PKD1L3: variants seen among roughly 807,000 people sequenced by gnomAD.
PKD1L3 encodes polycystin-1-like protein 3.
PKD1L3 carries 239 observed loss-of-function variants against 184.1 expected under a neutral mutation model. That is an observed-to-expected ratio of 1.30 (90% confidence interval 1.17 to 1.45). PKD1L3 has a LOEUF of 1.45. Among genes scored for constraint, PKD1L3 ranks in the 40% most tolerant of loss-of-function variants. PKD1L3 has a pLI of 0.00. For synonymous variants in PKD1L3, 996 were observed against 778.8 expected, an observed-to-expected ratio of 1.28 and a Z score of -4.64; for missense variants, 2,660 against 2,067.2, an observed-to-expected ratio of 1.29 and a Z score of -5.56.
At chr16:71,989,526 T>C (rs1056599580) in intron 4 of PKD1L3, among the ~76,000 whole-genome samples, 10 of 152,232 alleles carry the variant, frequency 6.6e-5, no homozygotes, top group Non-Finnish European at 1.5e-4. Context: ...TATCTGTGTT[T>C]AGGCATCAAC....
At position 71,967,221 on chromosome 16, in the gene PKD1L3, ACAT is replaced by A. The variant is rs775755910; in HGVS notation, c.2378_2380del (p.Asp793del). 6.4e-7 allele frequency: 1 copy of A among 1,551,594 alleles called. No individual in the cohort carries two copies. Among genetic ancestry groups the A allele is most frequent in the African/African-American group, 1.4e-5 (1 of 73,068 alleles). On this transcript the variant is annotated inframe_deletion, in exon 15 of 30. Transcript: ENST00000620267. ...AGAGGTCCAAGTGGTGAGAAGGAAG[ACAT>A]CCAGGCCCCCTCGTTCAAAGACTGT...
At chr16:71,971,998 C>T (rs181428602) in intron 12 of PKD1L3, among the ~76,000 whole-genome samples, 37 of 152,118 alleles carry the variant, frequency 2.4e-4, no homozygotes, top group African/African-American at 8.7e-4. Context: ...AGGCGGATCA[C>T]GAGGACAGGA....
chr16:71,964,415 T>C (rs1232769316), intron 15 of PKD1L3, among the ~76,000 whole-genome samples: 1 of 131,536 alleles, frequency 7.6e-6, no homozygotes, highest in Non-Finnish European at 1.6e-5. Context: ...CTTGGCTCAC[T>C]GCAACCTCCA....
intron 7 of PKD1L3, among the ~76,000 whole-genome samples, chr16:71,980,470 C>T (rs752593612): frequency 6.6e-6 from 1 of 152,110 alleles, no homozygotes; most frequent in Admixed American, 6.6e-5. Context: ...TATAATTTAA[C>T]GTTTTTTAGT....
chr16:71,984,629 C>A (rs2040287744), intron 5 of PKD1L3, among the ~76,000 whole-genome samples: 1 of 152,172 alleles, frequency 6.6e-6, no homozygotes, highest in Non-Finnish European at 1.5e-5. Context: ...GAGGCTAAGG[C>A]AGGCAGATCA....
At chr16:71,976,683 C>A (rs1219770309) in intron 11 of PKD1L3, among the ~76,000 whole-genome samples, 1 of 152,206 alleles carries the variant, frequency 6.6e-6, no homozygotes, top group Admixed American at 6.5e-5. Context: ...CTTCAGGAGG[C>A]TGAGACAGGA....
At chr16:71,990,190 C>T (rs982085157) in intron 4 of PKD1L3, 90 bp downstream of exon 4, 3 of 1,106,702 alleles carry the variant, frequency 2.7e-6, no homozygotes, top group Admixed American at 6.1e-5. Context: ...ATATTCAGAA[C>T]ACTCTACAAG....
At chr16:71,972,236 A>G (rs1443917010) in intron 12 of PKD1L3, among the ~76,000 whole-genome samples, 1 of 151,558 alleles carries the variant, frequency 6.6e-6, no homozygotes. Context: ...CAAAAAAACA[A>G]AAAAAAACAA....
chr16:71,986,110 C>G (rs1021880078), intron 5 of PKD1L3, 111 bp downstream of exon 5: 1 of 1,374,040 alleles, frequency 7.3e-7, no homozygotes, highest in Non-Finnish European at 9.9e-7. Context: ...TTGGCATATA[C>G]GCTGGTCTGT....
intron 15 of PKD1L3, 47 bp downstream of exon 15, chr16:71,967,090 T>C: frequency 5.3e-6 from 8 of 1,506,054 alleles, no homozygotes; most frequent in Non-Finnish European, 6.3e-6. Flanking sequence ...TCTTCTCTCT[T>C]GGATCCACAA....
At chr16:71,953,844 C>CAG (rs2143411396) in intron 17 of PKD1L3, among the ~76,000 whole-genome samples, 1 of 152,294 alleles carries the variant, frequency 6.6e-6, no homozygotes, top group East Asian at 1.9e-4. Context: ...GGTGGGGACA[C>CAG]AGAGCCAAAC....
chr16:71,936,000 T>C (rs2038162059), intron 25 of PKD1L3, among the ~76,000 whole-genome samples: 2 of 151,982 alleles, frequency 1.3e-5, no homozygotes, highest in South Asian at 4.2e-4. Flanking sequence ...TTTGACATTT[T>C]GCCCAGGCTA....
chr16:71,950,331 G>C (rs1398977002), intron 19 of PKD1L3, 21 bp from the exon 20 acceptor site: 1 of 1,500,206 alleles, frequency 6.7e-7, no homozygotes, highest in African/African-American at 1.4e-5. Context: ...ATTTCAAGTT[G>C]ACACTTTCAC....
At chr16:71,954,367 G>A (rs925186672) in intron 16 of PKD1L3, 66 bp from the exon 17 acceptor site, 23 of 1,320,136 alleles carry the variant, frequency 1.7e-5, no homozygotes, top group Non-Finnish European at 2.2e-5. Context: ...AGTTTAAGAT[G>A]TGATTTGCCC....
At chr16:71,956,762 ATAC>A (rs2039065590) in intron 16 of PKD1L3, among the ~76,000 whole-genome samples, 1 of 152,224 alleles carries the variant, frequency 6.6e-6, no homozygotes, top group African/African-American at 2.4e-5. Context: ...ATCAATATAT[ATAC>A]TACTACTGCA....
In PKD1L3 at chr16:71,984,158, C is replaced by T; in HGVS notation, c.844G>A (p.Glu282Lys). 6.4e-7 allele frequency: 1 copy of T among 1,551,328 alleles called. No homozygotes were observed. ...LQKASGQVID[E>K]IAGNFSRAVH... ...GCTCTGCTGAAGTTCCCTGCTATCT[C>T]ATCTATGACCTATTGGGAACAAAGA... Residue 282 changes from glutamate to lysine, a missense_variant, in exon 6 of 30, where the codon GAG becomes AAG. Physicochemically the swap from Glu to Lys is moderately conservative, Grantham distance 56. Coordinates refer to ENST00000620267, the MANE Select transcript of PKD1L3 (RefSeq NM_181536.2).
Position 71,993,202 on chromosome 16 carries a change from G to C in PKD1L3, c.535+14C>G. On this transcript the variant is annotated intron_variant, in intron 3 of 29. Coordinates refer to ENST00000620267, the MANE Select transcript of PKD1L3 (RefSeq NM_181536.2). ...CCACGGATTTTTAAGGTTACTAGAG[G>C]AGTAACGCATTACCTGGGGGCATTT... The C allele has an allele frequency of 6.7e-7, 1 of 1,491,514 alleles. No individual in the cohort carries two copies. The highest frequency in any genetic ancestry group is 1.2e-5 in the South Asian group (1 of 80,902). The allele number at this position is 1,491,514 out of a possible 1,614,324, so 92.4% of individuals were successfully genotyped here.
chr16:71,949,828 A>T lies in PKD1L3; in HGVS notation c.3573T>A (p.Ile1191=), dbSNP rs1392438592. Residue 1191 remains isoleucine (I), a synonymous_variant, in exon 21 of 30, where the codon ATT becomes ATA. Coordinates refer to ENST00000620267, the MANE Select transcript of PKD1L3 (RefSeq NM_181536.2). ...KDQATSWMIS[I]ILSVLQNIFI... is the part of the protein sequence containing the mutation. ...AGATGTTCTGAAGCACTGATAAAATAATTGAAATCATCCAGCTGGTGGCTT... is the reference window on the plus strand; with the variant it reads ...AGATGTTCTGAAGCACTGATAAAATTATTGAAATCATCCAGCTGGTGGCTT... 7 of 1,551,320 alleles carry T rather than the reference A, an allele frequency of 4.5e-6. No homozygotes were observed. The highest frequency in any genetic ancestry group is 6.1e-6 in the Non-Finnish European group (7 of 1,146,992).
rs2038661988 is a variant in PKD1L3 at position 71,947,482 on chromosome 16, C to G, written c.3718+10G>C. On this transcript the variant is annotated intron_variant, in intron 22 of 29. Coordinates refer to ENST00000620267, the MANE Select transcript of PKD1L3 (RefSeq NM_181536.2). ...CAAAATTAGGTAGTTGTTAGAACTA[C>G]TTGAGTTACCCAAGAGTGCCAAGAT... 4 of 1,510,300 alleles carry G rather than the reference C, an allele frequency of 2.6e-6. No homozygotes were observed. In the African/African-American group the frequency reaches 5.6e-5, roughly 21 times the overall value. 93.6% of individuals were successfully genotyped at this position (1,510,300 alleles called of 1,614,324 possible). A position where few individuals can be genotyped will look rare whatever the true frequency, so the allele number is the denominator to read the frequency against.
Sources: allele counts gnomAD v4.1 joint callset (sites outside exome capture counted in the v4.1 genomes callset), GRCh38; gene constraint gnomAD v4.1.1; transcripts MANE v1.5; gene names NCBI Gene and HGNC (gene_info 2026-07-23, HGNC 2026-07-21).